Variants in FAT3 observed in about 807,000 individuals in gnomAD.
The protein encoded by FAT3 is protocadherin Fat 3.
In FAT3, 95 loss-of-function variants were observed where a neutral mutation model predicts 310.2. The ratio of observed to expected loss-of-function variants is 0.31; its 90% CI spans 0.26 to 0.36. The LOEUF (loss-of-function observed/expected upper bound fraction) is 0.36. FAT3 is among the 10% of genes least tolerant of loss of function. FAT3 has a pLI of 1.00. For missense variants in FAT3, 5,408 were observed against 5,715.6 expected (o/e 0.95, Z 1.74); for synonymous variants, 2,314 against 2,192.9 (o/e 1.06, Z -1.54).
intron 3 of FAT3, among the ~76,000 whole-genome samples, chr11:92,668,586 C>G (rs187427076): frequency 6.6e-6 from 1 of 152,256 alleles, no homozygotes; most frequent in African/African-American, 2.4e-5. Flanking sequence ...TGACCTTGAT[C>G]AAGTTATTTA....
At chr11:92,516,834 A>G (rs951076325) in intron 2 of FAT3, among the ~76,000 whole-genome samples, 1 of 152,222 alleles carries the variant, frequency 6.6e-6, no homozygotes, top group African/African-American at 2.4e-5. Flanking sequence ...AAGCATTCCT[A>G]TACACCAATA....
intron 1 of FAT3, among the ~76,000 whole-genome samples, chr11:92,241,971 T>C (rs139069344): frequency 0.013 from 1,908 of 152,148 alleles, 25 homozygotes; most frequent in Non-Finnish European, 0.016. Flanking sequence ...CTAAAATCAC[T>C]GCTAACTCAA....
At chr11:92,670,966 A>G (rs1340982155) in intron 3 of FAT3, among the ~76,000 whole-genome samples, 1 of 152,088 alleles carries the variant, frequency 6.6e-6, no homozygotes, top group African/African-American at 2.4e-5. Context: ...AAAAATCCCA[A>G]GCCTGACATT....
intron 1 of FAT3, among the ~76,000 whole-genome samples, chr11:92,270,302 A>G (rs2134333172): frequency 6.6e-6 from 1 of 152,156 alleles, no homozygotes; most frequent in Non-Finnish European, 1.5e-5. Flanking sequence ...AGAATGTTTC[A>G]GAGCTTGAAC....
At chr11:92,720,183 CA>C (rs565730426) in intron 4 of FAT3, among the ~76,000 whole-genome samples, 118 of 152,246 alleles carry the variant, frequency 7.8e-4, no homozygotes, top group South Asian at 4.8e-3. Context: ...GGTTGATTTT[CA>C]TCTATATTTT....
Position 92,227,977 on chromosome 11 carries a change from A to G in FAT3, c.-18+2803A>G, listed in dbSNP as rs1042259110. On this transcript the variant is annotated intron_variant, in intron 1 of 27. Coordinates refer to ENST00000525166, the MANE Select transcript of FAT3 (RefSeq NM_001367949.2). The stretch of plus-strand genomic sequence containing the variant: ...AAGTTGTCTCTTAGAATTAAACCGA[A>G]TGTTGATATTCAATCATGAATCTCA... Among the ~76,000 whole-genome samples, 7 of 152,228 alleles carry G rather than the reference A, an allele frequency of 4.6e-5. No individual in the cohort carries two copies. In the South Asian group the frequency reaches 8.3e-4, roughly 18 times the overall value.
chr11:92,792,433 C>T (rs1356093753), intron 8 of FAT3, among the ~76,000 whole-genome samples: 3 of 152,100 alleles, frequency 2.0e-5, no homozygotes, highest in Non-Finnish European at 4.4e-5. Flanking sequence ...CAGCTGTGTA[C>T]ACAAATAAGG....
At chr11:92,396,897 G>A (rs1949881989) in intron 2 of FAT3, among the ~76,000 whole-genome samples, 1 of 152,100 alleles carries the variant, frequency 6.6e-6, no homozygotes. Context: ...AGTAGAGACA[G>A]GGTTTCACCA....
At chr11:92,263,135 T>C (rs1865625775) in intron 1 of FAT3, among the ~76,000 whole-genome samples, 1 of 152,096 alleles carries the variant, frequency 6.6e-6, no homozygotes, top group Non-Finnish European at 1.5e-5. Context: ...AGCTCAGTGC[T>C]GGAGAGTTGA....
rs772085771 is a variant in FAT3, at chr11:92,496,084, G to A, written c.3293-28550G>A. Among the ~76,000 whole-genome samples, 5 of 152,122 alleles carry A rather than the reference G, an allele frequency of 3.3e-5. No individual in the cohort carries two copies. The Middle Eastern group carries it at 0.01, about 310-fold the overall frequency. On this transcript the variant is annotated intron_variant, in intron 2 of 27. Coordinates refer to ENST00000525166, the MANE Select transcript of FAT3 (RefSeq NM_001367949.2). ...TGTTGATTGATTAAATCTGTTGTGC[G>A]CATTTGGGTGAGGTCTTCAGTTAGG... is the stretch of plus-strand genomic sequence containing the variant.
chr11:92,261,695 G>T (rs1398724160), intron 1 of FAT3, among the ~76,000 whole-genome samples: 1 of 151,996 alleles, frequency 6.6e-6, no homozygotes, highest in African/African-American at 2.4e-5. Context: ...TCCAATCCCT[G>T]GGTGGCATTG....
At chr11:92,497,369 C>T (rs898973408) in intron 2 of FAT3, among the ~76,000 whole-genome samples, 9 of 152,000 alleles carry the variant, frequency 5.9e-5, no homozygotes, top group African/African-American at 1.2e-4. Context: ...CCAACAGATG[C>T]GTAATGAAGA....
chr11:92,599,540 C>T (rs1368599329), intron 3 of FAT3, among the ~76,000 whole-genome samples: 1 of 152,174 alleles, frequency 6.6e-6, no homozygotes, highest in Non-Finnish European at 1.5e-5. Context: ...GAAATTGTCT[C>T]ACATCCTAGG....
At chr11:92,786,167 G>A (rs180875289) in intron 7 of FAT3, among the ~76,000 whole-genome samples, 39 of 152,194 alleles carry the variant, frequency 2.6e-4, no homozygotes, top group African/African-American at 7.5e-4. Context: ...CTCGATTAGC[G>A]ATGTAAATGA....
At chr11:92,280,658 G>A (rs1946396016) in intron 1 of FAT3, among the ~76,000 whole-genome samples, 1 of 152,066 alleles carries the variant, frequency 6.6e-6, no homozygotes, top group African/African-American at 2.4e-5. Flanking sequence ...AACTAACTCT[G>A]TGATCAGTTA....
At chr11:92,884,521 A>G (rs1949755808) in intron 24 of FAT3, among the ~76,000 whole-genome samples, 1 of 152,318 alleles carries the variant, frequency 6.6e-6, no homozygotes, top group Middle Eastern at 3.4e-3. Context: ...GGTAGCCTAG[A>G]AGGCTATGGT....
intron 7 of FAT3, among the ~76,000 whole-genome samples, chr11:92,787,702 T>G (rs1946929716): frequency 6.7e-6 from 1 of 150,186 alleles, no homozygotes; most frequent in East Asian, 1.9e-4. Flanking sequence ...AAATACATAA[T>G]TATAAAATAA....
chr11:92,731,901 A>G (rs2852862), intron 4 of FAT3, among the ~76,000 whole-genome samples: 40,225 of 152,072 alleles, frequency 0.26, 6,882 homozygotes, highest in African/African-American at 0.49. Context: ...TAACATAATG[A>G]CAACACATAA....
intron 3 of FAT3, among the ~76,000 whole-genome samples, chr11:92,687,058 T>C (rs1943655713): frequency 6.6e-6 from 1 of 152,186 alleles, no homozygotes; most frequent in Admixed American, 6.5e-5. Context: ...ACAATCCAGA[T>C]ACAATAAGGT....
Sources: gnomAD v4.1 joint callset for allele counts (sites outside exome capture counted in the v4.1 genomes callset) on GRCh38, gnomAD v4.1.1 for gene constraint, MANE v1.5 for transcripts, NCBI Gene and HGNC (gene_info 2026-07-23, HGNC 2026-07-21) for gene names.